KTN1: variants seen among roughly 807,000 people sequenced by gnomAD.
The protein encoded by KTN1 is kinectin 1, also known as kinectin.
A neutral mutation model predicts 222.5 loss-of-function variants in KTN1; 130 were observed. The ratio of observed to expected loss-of-function variants is 0.58; its 90% CI spans 0.51 to 0.68. KTN1 has a LOEUF of 0.68. Ranked by LOEUF, KTN1 falls within the 30% of genes least tolerant of loss-of-function variation. The pLI is 0.00. For missense variants in KTN1, 1,508 were observed against 1,500.4 expected, an observed-to-expected ratio of 1.01 and a Z score of -0.08; for synonymous variants, 512 against 496.3, an observed-to-expected ratio of 1.03 and a Z score of -0.42.
chr14:55,678,077 C>T (rs771292539), intron 41 of KTN1, among the ~76,000 whole-genome samples: 57 of 152,212 alleles, frequency 3.7e-4, no homozygotes, highest in Non-Finnish European at 1.9e-4. Context: ...TTTGACTAAC[C>T]TGTAATCTAG....
intron 18 of KTN1, among the ~76,000 whole-genome samples, chr14:55,645,548 A>AT (rs2042203526): frequency 6.6e-6 from 1 of 152,206 alleles, no homozygotes; most frequent in African/African-American, 2.4e-5. Context: ...TTTTTGTGAG[A>AT]TGGCATTCAT....
intron 40 of KTN1, chr14:55,675,182 A>G (rs956681547): frequency 3.3e-5 from 5 of 152,234 alleles, no homozygotes; most frequent in African/African-American, 1.2e-4. Context: ...GGAGCAGTAT[A>G]GTTCATTTTC....
At chr14:55,644,720 A>G (rs1000788858) in intron 18 of KTN1, among the ~76,000 whole-genome samples, 2 of 152,118 alleles carry the variant, frequency 1.3e-5, no homozygotes, top group Non-Finnish European at 2.9e-5. Context: ...GCCTTGTTAA[A>G]TTGTATTGCA....
At chr14:55,669,172 A>G (rs1276584835) in intron 34 of KTN1, among the ~76,000 whole-genome samples, 1 of 152,068 alleles carries the variant, frequency 6.6e-6, no homozygotes, top group African/African-American at 2.4e-5. Flanking sequence ...AAGAGAATTA[A>G]TGATTGATAA....
chr14:55,591,855 C>T (rs1470017409), intron 1 of KTN1, among the ~76,000 whole-genome samples: 3 of 152,058 alleles, frequency 2.0e-5, no homozygotes, highest in Admixed American at 6.5e-5. Flanking sequence ...TGATTACAGG[C>T]GTGAGCCACT....
Position 55,661,618 on chromosome 14 carries a change from T to C in KTN1, c.3090+6T>C, listed in dbSNP as rs2044151214. Reference sequence around the variant, plus strand: ...ACCAGAGGAAGAAAAACAATGTAAGTAGATCTTTATCAGAATGAAGCTTTT... The same window carrying C: ...ACCAGAGGAAGAAAAACAATGTAAGCAGATCTTTATCAGAATGAAGCTTTT... On this transcript the variant is annotated splice_donor_region_variant and intron_variant, in intron 32 of 43. Coordinates refer to ENST00000395314, the MANE Select transcript of KTN1 (RefSeq NM_001079521.2). The C allele has an allele frequency of 6.9e-7, 1 of 1,452,374 alleles. No individual in the cohort carries two copies. The highest frequency in any genetic ancestry group is 9.7e-7 in the Non-Finnish European group (1 of 1,036,096). 90.0% of individuals were successfully genotyped at this position (1,452,374 alleles called of 1,614,324 possible).
intron 1 of KTN1, among the ~76,000 whole-genome samples, chr14:55,593,446 C>CCCCAAA (rs1555357160): frequency 1.7e-5 from 2 of 120,586 alleles, no homozygotes; most frequent in East Asian, 2.5e-4. Context: ...ACCCCCCCCC[C>CCCCAAA]AAAAAAAAAA....
chr14:55,621,693 G>A (rs188246586), intron 5 of KTN1, among the ~76,000 whole-genome samples: 23 of 152,098 alleles, frequency 1.5e-4, no homozygotes, highest in African/African-American at 4.1e-4. Flanking sequence ...GGGAATTATA[G>A]GAGCTACAAT....
chr14:55,676,370 A>AT (rs1398585037), intron 41 of KTN1, among the ~76,000 whole-genome samples: 1 of 152,030 alleles, frequency 6.6e-6, no homozygotes, highest in Admixed American at 6.5e-5. Flanking sequence ...CAAATGAATG[A>AT]TTTTTAGGAC....
In KTN1 at chr14:55,659,677, TC is replaced by T; in HGVS notation, c.2978del (p.Pro993LeufsTer6). ...AACTCTTTTGATAGGCATCTTCTTTTCCCCCTCATGAAGAATTATTAAAAGT... is the reference window on the plus strand; with the variant it reads ...AACTCTTTTGATAGGCATCTTCTTTTCCCCTCATGAAGAATTATTAAAAGT... The part of the protein sequence containing the change: ...QQNYQQASSF[P>X]PHEELLKVIS... On this transcript the variant is annotated frameshift_variant, in exon 31 of 44. Coordinates refer to ENST00000395314, the MANE Select transcript of KTN1 (RefSeq NM_001079521.2). LOFTEE classifies it high-confidence loss of function. The T allele has an allele frequency of 6.7e-7, 1 of 1,501,606 alleles. No homozygotes were observed. The highest frequency in any genetic ancestry group is 9.3e-7 in the Non-Finnish European group (1 of 1,079,076). 93.0% of individuals were successfully genotyped at this position (1,501,606 alleles called of 1,614,324 possible). A position where few individuals can be genotyped will look rare whatever the true frequency, so the allele number is the denominator to read the frequency against.
chr14:55,635,506 G>A lies in KTN1; in HGVS notation c.1461+848G>A, dbSNP rs575075576. ...CAGTGGCTTGCACTCGACCCATGAT[G>A]TACAAAAAGTCACATACTGTATCTT... On this transcript the variant is annotated intron_variant, in intron 9 of 43. Coordinates refer to ENST00000395314, the MANE Select transcript of KTN1 (RefSeq NM_001079521.2). 2.1e-4 allele frequency among the ~76,000 whole-genome samples: 32 copies of A among 152,306 alleles called. 1 individual carries two copies. In the South Asian group the frequency reaches 5.2e-3, roughly 25 times the overall value.
intron 40 of KTN1, chr14:55,674,324 A>T (rs1005441830): frequency 2.0e-5 from 3 of 151,954 alleles, no homozygotes; most frequent in African/African-American, 4.8e-5. Context: ...GAAAATCCGA[A>T]ATCTGAAATG....
intron 3 of KTN1, 47 bp downstream of exon 3, chr14:55,616,701 T>A (rs530247045): frequency 6.7e-7 from 1 of 1,490,338 alleles, no homozygotes; most frequent in South Asian, 1.3e-5. Flanking sequence ...TCTAGAGAAG[T>A]ACACCAGCAC....
chr14:55,614,651 A>C (rs1026711646), intron 2 of KTN1, among the ~76,000 whole-genome samples: 49 of 152,314 alleles, frequency 3.2e-4, no homozygotes. Flanking sequence ...AGTACTCATA[A>C]AGTGTTTTTA....
chr14:55,669,027 A>G (rs529159389), intron 34 of KTN1, among the ~76,000 whole-genome samples: 28 of 152,202 alleles, frequency 1.8e-4, no homozygotes, highest in African/African-American at 6.7e-4. Flanking sequence ...CTGTTGTTAA[A>G]TTGAACCTAA....
chr14:55,672,563 T>G (rs1478923621), intron 37 of KTN1, 67 bp from the exon 38 acceptor site: 9 of 928,088 alleles, frequency 9.7e-6, no homozygotes, highest in Non-Finnish European at 1.6e-5. Flanking sequence ...TGATCAGAAT[T>G]CTACAGGATA....
In KTN1 at chr14:55,588,774, TTTGTG is replaced by T. The variant is rs1245497166; in HGVS notation, c.-31+8422_-31+8426del. Among the ~76,000 whole-genome samples, 4 of 152,322 alleles carry T rather than the reference TTTGTG, an allele frequency of 2.6e-5. No individual in the cohort carries two copies. The East Asian group carries it at 7.7e-4, about 29-fold the overall frequency. Reference sequence around the variant, plus strand: ...TGTACAGTAACCATATAGGGTCTGGTTTGTGTAAGTTTTGATAAATTTTAACTTTA... The same window carrying T: ...TGTACAGTAACCATATAGGGTCTGGTTAAGTTTTGATAAATTTTAACTTTA... On this transcript the variant is annotated intron_variant, in intron 1 of 43. Transcript: ENST00000395314.
rs113776576 is a variant in KTN1, at chr14:55,637,222, A to G, written c.1574A>G (p.Lys525Arg). ...QQDLQSKFVA[K>R]ENEVQSLHSK... ...GATTTACAGAGTAAATTTGTGGCCA[A>G]AGAAAATGAAGTACAGAGTCTGCAT... Residue 525 changes from lysine (K) to arginine (R), a missense_variant, in exon 11 of 44, where the codon AAA becomes AGA. Transcript: ENST00000395314. 8 of 1,604,018 alleles carry G rather than the reference A, an allele frequency of 5.0e-6. No homozygotes were observed. The highest frequency in any genetic ancestry group is 3.3e-4 in the Middle Eastern group (2 of 6,002).
At chr14:55,663,756 A>G (rs1298555023) in intron 32 of KTN1, 199 bp from the exon 33 acceptor site, 18 of 512,884 alleles carry the variant, frequency 3.5e-5, no homozygotes, top group Non-Finnish European at 5.9e-5. Context: ...ATACTAAAAC[A>G]TGGAAAGTGG....
Sources: allele counts gnomAD v4.1 joint callset (sites outside exome capture counted in the v4.1 genomes callset), GRCh38; gene constraint gnomAD v4.1.1; transcripts MANE v1.5; gene names NCBI Gene and HGNC (gene_info 2026-07-23, HGNC 2026-07-21).